Variants in ANO6 observed in about 807,000 individuals in gnomAD.
ANO6 encodes anoctamin-6.
ANO6 carries 106 observed loss-of-function variants against 117.5 expected under a neutral mutation model. That is an observed-to-expected ratio of 0.90 (90% CI 0.77 to 1.06). The LOEUF is 1.06. Among genes scored for constraint, ANO6 ranks in the 50% least tolerant of loss-of-function variants. The pLI, the probability that ANO6 is intolerant of heterozygous loss-of-function variation, is 0.00. For missense variants in ANO6, 955 were observed against 1,121.1 expected, an observed-to-expected ratio of 0.85 and a Z score of 2.12; for synonymous variants, 367 against 385.1, an observed-to-expected ratio of 0.95 and a Z score of 0.55.
intron 3 of ANO6, among the ~76,000 whole-genome samples, chr12:45,343,589 T>C (rs1241667757): frequency 6.6e-6 from 1 of 152,192 alleles, no homozygotes; most frequent in Non-Finnish European, 1.5e-5. Context: ...ACCACTCTGT[T>C]AGTCAGGATT....
intron 7 of ANO6, among the ~76,000 whole-genome samples, chr12:45,354,733 G>A (rs983974727): frequency 5.9e-5 from 9 of 152,210 alleles, no homozygotes; most frequent in Non-Finnish European, 1.2e-4. Context: ...TAACTCTAGG[G>A]AGAACAAGAT....
intron 9 of ANO6, among the ~76,000 whole-genome samples, chr12:45,376,050 C>T (rs1347478985): frequency 6.6e-6 from 1 of 150,796 alleles, no homozygotes; most frequent in Admixed American, 6.6e-5. Flanking sequence ...AGGATATGAA[C>T]AGACACTTCT....
At chr12:45,365,058 A>G (rs1941650097) in intron 8 of ANO6, among the ~76,000 whole-genome samples, 1 of 152,148 alleles carries the variant, frequency 6.6e-6, no homozygotes, top group African/African-American at 2.4e-5. Flanking sequence ...TTGTTAGCTA[A>G]TGATTGGATT....
At chr12:45,233,266 T>A (rs1489291118) in intron 1 of ANO6, among the ~76,000 whole-genome samples, 1 of 152,200 alleles carries the variant, frequency 6.6e-6, no homozygotes, top group Non-Finnish European at 1.5e-5. Flanking sequence ...AGAATCACAC[T>A]GGGGATTTCC....
At chr12:45,302,603 A>T (rs895988327) in intron 2 of ANO6, among the ~76,000 whole-genome samples, 4 of 152,176 alleles carry the variant, frequency 2.6e-5, no homozygotes, top group African/African-American at 7.2e-5. Context: ...TGCTCCCATT[A>T]AATTGGACTC....
intron 10 of ANO6, among the ~76,000 whole-genome samples, chr12:45,378,835 A>T (rs529463624): frequency 1.2e-4 from 18 of 152,134 alleles, no homozygotes; most frequent in Non-Finnish European, 2.2e-4. Flanking sequence ...ATACACTTCT[A>T]TGTGAGCGGA....
intron 3 of ANO6, among the ~76,000 whole-genome samples, chr12:45,339,307 A>G (rs574467642): frequency 6.6e-6 from 1 of 152,174 alleles, no homozygotes; most frequent in Non-Finnish European, 1.5e-5. Context: ...TCAAGAATCT[A>G]CATTTTAAAT....
At chr12:45,263,024 G>T (rs12815334) in intron 1 of ANO6, among the ~76,000 whole-genome samples, 7,533 of 151,954 alleles carry the variant, frequency 0.05, 450 homozygotes, top group East Asian at 0.32. Flanking sequence ...CTTAACTTGA[G>T]GTATAATTTG....
At chr12:45,223,084 C>T (rs1423673055) in intron 1 of ANO6, among the ~76,000 whole-genome samples, 1 of 152,218 alleles carries the variant, frequency 6.6e-6, no homozygotes, top group Non-Finnish European at 1.5e-5. Flanking sequence ...TCACTCTATG[C>T]ATCTCTTCAT....
chr12:45,251,049 A>C (rs1355421453), intron 1 of ANO6, among the ~76,000 whole-genome samples: 1 of 151,854 alleles, frequency 6.6e-6, no homozygotes, highest in Admixed American at 6.6e-5. Flanking sequence ...TGGGCAACAG[A>C]GTGAGACCCT....
At chr12:45,350,569 T>C (rs1446538550) in intron 6 of ANO6, 90 bp from the exon 7 acceptor site, 5 of 1,020,714 alleles carry the variant, frequency 4.9e-6, no homozygotes, top group African/African-American at 4.7e-5. Flanking sequence ...TTGTTCACAA[T>C]TGACTATCAA....
At chr12:45,339,648 T>C (rs1940923404) in intron 3 of ANO6, among the ~76,000 whole-genome samples, 1 of 152,128 alleles carries the variant, frequency 6.6e-6, no homozygotes, top group South Asian at 2.1e-4. Context: ...TCCACTAACA[T>C]TAAATGTTTT....
At chr12:45,243,741 G>T (rs1187711999) in intron 1 of ANO6, among the ~76,000 whole-genome samples, 1 of 152,042 alleles carries the variant, frequency 6.6e-6, no homozygotes, top group African/African-American at 2.4e-5. Context: ...GTAGAGATGG[G>T]GTTTTGCCAT....
chr12:45,318,913 C>CCCTG (rs568926066), intron 2 of ANO6, among the ~76,000 whole-genome samples: 1 of 152,028 alleles, frequency 6.6e-6, no homozygotes, highest in East Asian at 1.9e-4. Flanking sequence ...TGATTTGGCT[C>CCCTG]TCTGTCTGTT....
At chr12:45,220,815 TC>T (rs1376134741) in intron 1 of ANO6, among the ~76,000 whole-genome samples, 2 of 152,214 alleles carry the variant, frequency 1.3e-5, no homozygotes, top group Non-Finnish European at 2.9e-5. Flanking sequence ...GGTTTGGACT[TC>T]CAGCCCCATC....
At chr12:45,280,687 A>G (rs937416684) in intron 1 of ANO6, among the ~76,000 whole-genome samples, 1 of 152,006 alleles carries the variant, frequency 6.6e-6, no homozygotes, top group African/African-American at 2.4e-5. Flanking sequence ...AATCACAGAA[A>G]CTGTTTCAAA....
rs1737556296 is a variant in ANO6 at position 45,357,299 on chromosome 12, T to C, written c.873T>C (p.Tyr291=). The C allele has an allele frequency of 6.2e-7, 1 of 1,613,852 alleles. No individual in the cohort carries two copies. Among genetic ancestry groups the C allele is most frequent in the Non-Finnish European group, 8.5e-7 (1 of 1,179,960 alleles). The change falls in exon 8 of 20, where the codon TAT becomes TAC. Residue 291 remains tyrosine (Y), a synonymous_variant. Coordinates refer to ENST00000320560, the MANE Select transcript of ANO6 (RefSeq NM_001025356.3). ...TTCTGTCTTTCTTCAGGAAATACTA[T>C]GGAGAGAAGATTGGAATCTACTTTG... The part of the protein sequence containing the change: ...KQPLDLIRKY[Y]GEKIGIYFAW...
At chr12:45,375,750 C>T (rs1237763374) in intron 9 of ANO6, among the ~76,000 whole-genome samples, 4 of 151,138 alleles carry the variant, frequency 2.6e-5, no homozygotes, top group Non-Finnish European at 4.4e-5. Context: ...ACCATAAAAA[C>T]CCTAGAAGAA....
At chr12:45,387,983 C>T (rs1397978693) in intron 10 of ANO6, among the ~76,000 whole-genome samples, 178 bp from the exon 11 acceptor site, 1 of 152,210 alleles carries the variant, frequency 6.6e-6, no homozygotes, top group Non-Finnish European at 1.5e-5. Context: ...CCTCCCCAGC[C>T]ATGCAGAACT....
Sources: gnomAD v4.1 joint callset for allele counts (sites outside exome capture counted in the v4.1 genomes callset) on GRCh38, gnomAD v4.1.1 for gene constraint, MANE v1.5 for transcripts, NCBI Gene and HGNC (gene_info 2026-07-23, HGNC 2026-07-21) for gene names.